The following KANK1 variants were observed in gnomAD, a reference collection of about 807,000 sequenced individuals.
The protein encoded by KANK1 is KN motif and ankyrin repeat domain-containing protein 1.
Under a neutral mutation model 106.2 loss-of-function variants are expected in KANK1, and 109 were observed. The ratio of observed to expected loss-of-function variants is 1.03; its 90% CI spans 0.88 to 1.20. The LOEUF is 1.20. Among genes scored for constraint, KANK1 ranks in the 50% most tolerant of loss-of-function variants. The pLI, the probability that KANK1 is intolerant of heterozygous loss-of-function variation, is 0.00. For missense variants in KANK1, 2,399 were observed against 1,710.7 expected, an observed-to-expected ratio of 1.40 and a Z score of -7.10; for synonymous variants, 873 against 652.2, an observed-to-expected ratio of 1.34 and a Z score of -5.16.
At position 712,735 on chromosome 9, in the gene KANK1, C is replaced by G. The variant is rs771175973; in HGVS notation, c.1969C>G (p.Gln657Glu). The G allele has an allele frequency of 1.1e-5, 17 of 1,613,792 alleles. No individual in the cohort carries two copies. The highest frequency in any genetic ancestry group is 3.3e-5 in the Admixed American group (2 of 59,964). The change falls in exon 3 of 12, where the codon CAG becomes GAG. Residue 657 changes from glutamine to glutamate, a missense_variant. Physicochemically the swap from Gln to Glu is conservative, Grantham distance 29 (BLOSUM62 2). Coordinates refer to ENST00000382297, the MANE Select transcript of KANK1 (RefSeq NM_015158.5). ...SRGVNTEAVS[Q>E]VEAAVMAVPR... is the part of the protein sequence containing the mutation. ...GGGCGTGAACACTGAGGCTGTTAGC[C>G]AGGTGGAAGCTGCCGTCATGGCAGT...
At chr9:548,291 A>G (rs888212910) in intron 1 of KANK1, among the ~76,000 whole-genome samples, 2 of 152,208 alleles carry the variant, frequency 1.3e-5, no homozygotes, top group Non-Finnish European at 2.9e-5. Flanking sequence ...AAGATCCGCC[A>G]GGGAAGAGTC....
At chr9:531,302 G>A (rs1044306409) in intron 1 of KANK1, among the ~76,000 whole-genome samples, 4 of 152,000 alleles carry the variant, frequency 2.6e-5, no homozygotes, top group Non-Finnish European at 5.9e-5. Context: ...GTGGTGGTGC[G>A]TGCCTATAGT....
intron 1 of KANK1, among the ~76,000 whole-genome samples, chr9:576,995 G>C (rs1448761584): frequency 1.3e-5 from 2 of 152,174 alleles, no homozygotes; most frequent in African/African-American, 2.4e-5. Flanking sequence ...CAGATGTTCA[G>C]ATGAGTCCTT....
chr9:503,037 CAG>C, upstream of KANK1, among the ~76,000 whole-genome samples: 1 of 74,566 alleles, frequency 1.3e-5, no homozygotes, highest in Non-Finnish European at 2.7e-5. Context: ...TTGGTGAAAA[CAG>C]AATTTCACTG....
rs866937169 is a variant in KANK1 at position 729,915 on chromosome 9, G to A, written c.2699-136G>A. On this transcript the variant is annotated intron_variant, in intron 3 of 11. Transcript: ENST00000382297. ...CTAATGAAATCAGGAAAGCTGGAGC[G>A]TCAAAGGGGCTTCTGAGTTTTGGTG... The A allele has an allele frequency of 3.9e-4, 280 of 723,596 alleles. 2 individuals are homozygous for A. The highest frequency in any genetic ancestry group is 9.2e-4 in the African/African-American group (51 of 55,722). The allele number at this position is 723,596 out of a possible 1,614,324, so 44.8% of individuals were successfully genotyped here. A position where few individuals can be genotyped will look rare whatever the true frequency, so the allele number is the denominator to read the frequency against.
At chr9:661,083 G>C (rs534217674) in intron 1 of KANK1, among the ~76,000 whole-genome samples, 6 of 44,994 alleles carry the variant, frequency 1.3e-4, no homozygotes, top group African/African-American at 4.6e-4. Context: ...TTTGAGGTTT[G>C]TTTGTTTTTT....
At chr9:480,058 T>A (rs1464551447) in intron 3 of KANK1, among the ~76,000 whole-genome samples, 2 of 152,086 alleles carry the variant, frequency 1.3e-5, no homozygotes, top group Non-Finnish European at 2.9e-5. Flanking sequence ...TTTAACGGAG[T>A]TCCCTTAAAA....
At chr9:577,137 C>T (rs535632423) in intron 1 of KANK1, among the ~76,000 whole-genome samples, 9 of 152,242 alleles carry the variant, frequency 5.9e-5, no homozygotes, top group East Asian at 3.9e-4. Flanking sequence ...TTGTGAAGAG[C>T]GAAAGAACAA....
rs570958050 is a variant in KANK1, at chr9:691,721, C to T, written c.37+14712C>T. ...CTCAACCTCCCAGGCTCAAGTAATCCTCCCAGTCTCAGCTCCCGAGAAACT... is the reference window on the plus strand; with the variant it reads ...CTCAACCTCCCAGGCTCAAGTAATCTTCCCAGTCTCAGCTCCCGAGAAACT... On this transcript the variant is annotated intron_variant, in intron 2 of 11. Transcript: ENST00000382297. Among the ~76,000 whole-genome samples, 9 of 148,510 alleles carry T rather than the reference C, an allele frequency of 6.1e-5. No homozygotes were observed. In the South Asian group the frequency reaches 1.9e-3, roughly 32 times the overall value.
At chr9:649,657 C>T (rs1218432903) in intron 1 of KANK1, among the ~76,000 whole-genome samples, 1 of 152,158 alleles carries the variant, frequency 6.6e-6, no homozygotes, top group Non-Finnish European at 1.5e-5. Flanking sequence ...TAGTTTTCAC[C>T]ATAGCATGGC....
At chr9:741,011 G>GC in intron 9 of KANK1, 77 bp downstream of exon 9, 1 of 1,532,800 alleles carries the variant, frequency 6.5e-7, no homozygotes, top group South Asian at 1.2e-5. Context: ...TTCTGGCAGA[G>GC]CAGGCATAGA....
chr9:682,623 G>C (rs1006324422), intron 2 of KANK1, among the ~76,000 whole-genome samples: 5 of 152,120 alleles, frequency 3.3e-5, no homozygotes, highest in African/African-American at 1.2e-4. Context: ...CCCTATGGTA[G>C]ATGATGTTGC....
upstream of KANK1, chr9:504,589 G>C (rs1015748191): frequency 6.7e-6 from 1 of 149,358 alleles, no homozygotes; most frequent in Non-Finnish European, 1.5e-5. Context: ...GAGGCTTGCT[G>C]GTCCGCCCCG....
At chr9:537,740 C>T (rs2060379638) in intron 1 of KANK1, among the ~76,000 whole-genome samples, 1 of 152,074 alleles carries the variant, frequency 6.6e-6, no homozygotes, top group Non-Finnish European at 1.5e-5. Flanking sequence ...TTTTGGTTGC[C>T]ATGATTTTGG....
chr9:541,903 C>A (rs975244997), intron 1 of KANK1, among the ~76,000 whole-genome samples: 1 of 150,900 alleles, frequency 6.6e-6, no homozygotes, highest in Non-Finnish European at 1.5e-5. Context: ...TCCTGGCTAA[C>A]ACGGTGAAAC....
intron 1 of KANK1, among the ~76,000 whole-genome samples, chr9:522,133 T>C (rs1442172034): frequency 2.0e-5 from 3 of 151,824 alleles, no homozygotes; most frequent in African/African-American, 7.3e-5. Context: ...TTTGACCAAA[T>C]TTATATCCCA....
At chr9:573,513 G>A (rs1386651379) in intron 1 of KANK1, among the ~76,000 whole-genome samples, 24 of 151,958 alleles carry the variant, frequency 1.6e-4, no homozygotes, top group African/African-American at 5.6e-4. Flanking sequence ...CTCGTGATCC[G>A]CCCTCCTCGG....
chr9:711,039 C>T lies in KANK1; in HGVS notation c.273C>T (p.Ser91=), dbSNP rs1328400476. 3 of 1,614,044 alleles carry T rather than the reference C, an allele frequency of 1.9e-6. No individual in the cohort carries two copies. The highest frequency in any genetic ancestry group is 2.5e-6 in the Non-Finnish European group (3 of 1,180,036). Residue 91 remains serine (S), a synonymous_variant, in exon 3 of 12, where the codon TCC becomes TCT. Coordinates refer to ENST00000382297, the MANE Select transcript of KANK1 (RefSeq NM_015158.5). The stretch of plus-strand genomic sequence containing the variant: ...AAGGTATATGGACTTCCACTGAATC[C>T]CTCTCATCCTCCAACAGTGATGACA... ...GQQGIWTSTE[S]LSSSNSDDNK...
At chr9:528,620 C>G (rs2133431822) in intron 1 of KANK1, among the ~76,000 whole-genome samples, 1 of 151,758 alleles carries the variant, frequency 6.6e-6, no homozygotes, top group African/African-American at 2.4e-5. Context: ...TCTCAAGTAG[C>G]TGCGTTACAG....
Sources: gnomAD v4.1 joint callset for allele counts (sites outside exome capture counted in the v4.1 genomes callset) on GRCh38, gnomAD v4.1.1 for gene constraint, MANE v1.5 for transcripts, NCBI Gene and HGNC (gene_info 2026-07-23, HGNC 2026-07-21) for gene names.